CCDC178: variants seen among roughly 807,000 people sequenced by gnomAD.
CCDC178 encodes coiled-coil domain-containing protein 178.
Under a neutral mutation model 117.4 loss-of-function variants are expected in CCDC178, and 126 were observed. The ratio of observed to expected loss-of-function variants is 1.07; its 90% CI spans 0.93 to 1.24. The LOEUF is 1.24. Ranked by LOEUF, CCDC178 falls within the 50% of genes most tolerant of loss-of-function variation. CCDC178 has a pLI of 0.00. For synonymous variants in CCDC178, 283 were observed against 313.4 expected (o/e 0.90, Z 1.02); for missense variants, 1,030 against 986.9 (o/e 1.04, Z -0.59).
At chr18:33,114,771 A>T (rs2057830648) in intron 20 of CCDC178, among the ~76,000 whole-genome samples, 1 of 152,064 alleles carries the variant, frequency 6.6e-6, no homozygotes, top group Admixed American at 6.6e-5. Flanking sequence ...AGTCAAATAC[A>T]CTGTTCATTC....
intron 3 of CCDC178, among the ~76,000 whole-genome samples, chr18:33,402,770 G>A (rs538406091): frequency 3.3e-5 from 5 of 152,014 alleles, no homozygotes; most frequent in Non-Finnish European, 5.9e-5. Context: ...TCATTATGTC[G>A]CCCAGGCTAC....
intron 21 of CCDC178, among the ~76,000 whole-genome samples, chr18:33,088,448 C>G (rs1372820513): frequency 6.6e-6 from 1 of 151,934 alleles, no homozygotes; most frequent in Non-Finnish European, 1.5e-5. Flanking sequence ...TTTAGATCTT[C>G]TTTGATTTAT....
intron 16 of CCDC178, 44 bp downstream of exon 16, chr18:33,226,749 C>G: frequency 7.4e-7 from 1 of 1,347,408 alleles, no homozygotes; most frequent in South Asian, 1.3e-5. Context: ...AAGTAAAATG[C>G]AAATTAAAGG....
At position 33,240,454 on chromosome 18, in the gene CCDC178, A is replaced by G. The variant is rs77751985; in HGVS notation, c.1593+4791T>C. Among the ~76,000 whole-genome samples the G allele has an allele frequency of 4.9e-3, 742 of 151,956 alleles. 5 individuals carry two copies. The highest frequency in any genetic ancestry group is 0.017 in the African/African-American group (710 of 41,550). On this transcript the variant is annotated intron_variant, in intron 15 of 22. Transcript: ENST00000383096. ...CAAAAAGTCGATGTTTTGAGAAAAT[A>G]AACAAAATTGAGAAAAAGCTAGACT... is the stretch of plus-strand genomic sequence containing the variant.
intron 5 of CCDC178, among the ~76,000 whole-genome samples, chr18:33,377,777 T>C (rs537167007): frequency 1.2e-4 from 19 of 152,272 alleles, no homozygotes; most frequent in African/African-American, 4.3e-4. Flanking sequence ...GTTTTACTTC[T>C]AGGTTCTCCA....
chr18:33,188,722 G>C lies in CCDC178; in HGVS notation c.2238+23174C>G, dbSNP rs185063566. Among the ~76,000 whole-genome samples, 6 of 152,264 alleles carry C rather than the reference G, an allele frequency of 3.9e-5. No homozygotes were observed. In the East Asian group the frequency reaches 1.2e-3, roughly 29 times the overall value. On this transcript the variant is annotated intron_variant, in intron 20 of 22. Coordinates refer to ENST00000383096, the MANE Select transcript of CCDC178 (RefSeq NM_001105528.4). ...GCATTTGGAGGCAGATTCACCCCTA[G>C]AACTTCCAGTAGGAAATGCAACTCT...
intron 21 of CCDC178, among the ~76,000 whole-genome samples, chr18:33,042,287 G>A (rs146140615): frequency 6.6e-5 from 10 of 152,032 alleles, no homozygotes; most frequent in African/African-American, 9.6e-5. Context: ...TGCATCATCT[G>A]TAAGGTATTC....
chr18:33,367,503 T>C (rs2063227654), intron 6 of CCDC178, among the ~76,000 whole-genome samples: 1 of 152,070 alleles, frequency 6.6e-6, no homozygotes, highest in South Asian at 2.1e-4. Flanking sequence ...AGTTCCTATG[T>C]CAATGTAAGG....
chr18:33,089,615 A>C (rs888801788), intron 21 of CCDC178, among the ~76,000 whole-genome samples: 2 of 152,194 alleles, frequency 1.3e-5, no homozygotes, highest in African/African-American at 4.8e-5. Flanking sequence ...TTTAAAAAAT[A>C]TATTTTAACA....
intron 21 of CCDC178, among the ~76,000 whole-genome samples, chr18:33,037,826 A>G (rs938002694): frequency 6.6e-6 from 1 of 151,964 alleles, no homozygotes; most frequent in Non-Finnish European, 1.5e-5. Context: ...GACAAGGTTT[A>G]CTTATTTTTA....
chr18:32,941,294 AT>A (rs1221981673), intron 22 of CCDC178, among the ~76,000 whole-genome samples: 1 of 151,996 alleles, frequency 6.6e-6, no homozygotes, highest in Non-Finnish European at 1.5e-5. Flanking sequence ...AATATACTTT[AT>A]TTTTTAAGTA....
intron 20 of CCDC178, among the ~76,000 whole-genome samples, chr18:33,188,857 G>A (rs1018605644): frequency 6.6e-6 from 1 of 152,162 alleles, no homozygotes; most frequent in African/African-American, 2.4e-5. Context: ...TGTTATGGCA[G>A]CAATAGAAAA....
intron 21 of CCDC178, among the ~76,000 whole-genome samples, chr18:32,993,265 A>T (rs148561960): frequency 4.3e-4 from 65 of 152,288 alleles, no homozygotes; most frequent in African/African-American, 1.5e-3. Flanking sequence ...CAAATTAAGG[A>T]CTGGCTAAAA....
At chr18:33,183,678 C>T (rs1336278382) in intron 20 of CCDC178, among the ~76,000 whole-genome samples, 1 of 152,024 alleles carries the variant, frequency 6.6e-6, no homozygotes, top group Non-Finnish European at 1.5e-5. Flanking sequence ...AGCTCACTGA[C>T]ACTGGCGCTA....
intron 15 of CCDC178, among the ~76,000 whole-genome samples, chr18:33,233,505 G>A (rs1017923643): frequency 2.6e-5 from 4 of 151,914 alleles, no homozygotes; most frequent in African/African-American, 9.7e-5. Context: ...TCAACGTGTT[G>A]TTTAGAACCC....
chr18:33,241,391 G>A (rs371394120), intron 15 of CCDC178, among the ~76,000 whole-genome samples: 5 of 150,948 alleles, frequency 3.3e-5, no homozygotes, highest in Admixed American at 1.3e-4. Context: ...AACTGAAAAG[G>A]AGAAAATCAA....
intron 14 of CCDC178, among the ~76,000 whole-genome samples, chr18:33,251,984 A>T (rs540098982): frequency 1.3e-5 from 2 of 151,944 alleles, no homozygotes; most frequent in South Asian, 4.1e-4. Context: ...TTCTGTAAGA[A>T]GGGAAAGAAG....
At chr18:33,400,231 C>T (rs1352595043) in intron 3 of CCDC178, among the ~76,000 whole-genome samples, 2 of 150,962 alleles carry the variant, frequency 1.3e-5, no homozygotes, top group East Asian at 3.9e-4. Context: ...GGAGATTTAA[C>T]ATAATTCTTA....
chr18:33,323,231 C>T (rs1755745671), intron 11 of CCDC178: 1 of 212,550 alleles, frequency 4.7e-6, no homozygotes, highest in Non-Finnish European at 9.1e-6. Flanking sequence ...AACATGTCCT[C>T]AGGCAATTTT....
Sources: allele counts gnomAD v4.1 joint callset (sites outside exome capture counted in the v4.1 genomes callset), GRCh38; gene constraint gnomAD v4.1.1; transcripts MANE v1.5; gene names NCBI Gene and HGNC (gene_info 2026-07-23, HGNC 2026-07-21).